VWA8: variants seen among roughly 807,000 people sequenced by gnomAD.
VWA8 encodes the protein von Willebrand factor A domain-containing protein 8.
A neutral mutation model predicts 241.5 loss-of-function variants in VWA8; 221 were observed. The ratio of observed to expected loss-of-function variants is 0.91; its 90% CI spans 0.82 to 1.02. The LOEUF (loss-of-function observed/expected upper bound fraction) is 1.02. Among genes scored for constraint, VWA8 ranks in the 50% least tolerant of loss-of-function variants. VWA8 has a pLI of 0.00. For missense variants in VWA8, 2,322 were observed against 2,328.7 expected, an observed-to-expected ratio of 1.00 and a Z score of 0.06; for synonymous variants, 852 against 827.1, an observed-to-expected ratio of 1.03 and a Z score of -0.52.
intron 23 of VWA8, among the ~76,000 whole-genome samples, chr13:41,727,523 T>C (rs894855654): frequency 2.6e-5 from 4 of 152,170 alleles, no homozygotes; most frequent in African/African-American, 9.6e-5. Context: ...TACTAAATTG[T>C]ACAGGGACTT....
chr13:41,702,837 T>G (rs1377078029), intron 27 of VWA8, among the ~76,000 whole-genome samples: 1 of 152,238 alleles, frequency 6.6e-6, no homozygotes, highest in Non-Finnish European at 1.5e-5. Context: ...CCTCAACTTC[T>G]GTTCCTGCTG....
intron 12 of VWA8, among the ~76,000 whole-genome samples, chr13:41,848,246 A>G (rs571855033): frequency 6.6e-6 from 1 of 152,302 alleles, no homozygotes; most frequent in Admixed American, 6.5e-5. Flanking sequence ...GAAGCCAAAC[A>G]TTTGTTCACT....
rs759462330 is a variant in VWA8, at chr13:41,865,821, T to A, written c.1348-8A>T. 6.2e-7 allele frequency: 1 copy of A among 1,614,024 alleles called. No individual in the cohort carries two copies. The highest frequency in any genetic ancestry group is 8.5e-7 in the Non-Finnish European group (1 of 1,179,982). On this transcript the variant is annotated splice_region_variant and splice_polypyrimidine_tract_variant and intron_variant, in intron 11 of 44. Transcript: ENST00000379310. ...CACTGTTTTTCCACAACCCTACAAA[T>A]GGAAAAAATTATTCAAGAGGTAAGT...
intron 1 of VWA8, among the ~76,000 whole-genome samples, chr13:41,956,347 T>C (rs1357907746): frequency 6.6e-6 from 1 of 152,190 alleles, no homozygotes; most frequent in East Asian, 1.9e-4. Context: ...TTTTTATATA[T>C]ACTAAACTTA....
chr13:41,844,721 A>G (rs1246406486), intron 12 of VWA8, among the ~76,000 whole-genome samples: 1 of 152,038 alleles, frequency 6.6e-6, no homozygotes, highest in East Asian at 1.9e-4. Flanking sequence ...CACCGATAAC[A>G]TTCAACATCT....
At chr13:41,693,286 G>C (rs943076346) in intron 29 of VWA8, among the ~76,000 whole-genome samples, 10 of 151,820 alleles carry the variant, frequency 6.6e-5, no homozygotes, top group Non-Finnish European at 8.8e-5. Flanking sequence ...ATATAAGCTA[G>C]TTGAACCATG....
At chr13:41,641,432 C>T (rs1364108629) in intron 37 of VWA8, among the ~76,000 whole-genome samples, 1 of 152,116 alleles carries the variant, frequency 6.6e-6, no homozygotes, top group African/African-American at 2.4e-5. Flanking sequence ...CAATGCTAGT[C>T]CCAGTCAGGT....
chr13:41,890,287 G>A (rs1231676048), intron 5 of VWA8, among the ~76,000 whole-genome samples: 1 of 152,176 alleles, frequency 6.6e-6, no homozygotes, highest in Non-Finnish European at 1.5e-5. Flanking sequence ...GATCTTGCTC[G>A]TGATCAATTT....
At chr13:41,878,196 C>T (rs894452440) in intron 9 of VWA8, among the ~76,000 whole-genome samples, 3 of 151,958 alleles carry the variant, frequency 2.0e-5, no homozygotes, top group African/African-American at 7.2e-5. Context: ...CATTATAATA[C>T]ATACTTCTAT....
intron 28 of VWA8, among the ~76,000 whole-genome samples, chr13:41,700,289 GAT>G (rs1473071756): frequency 6.6e-6 from 1 of 151,498 alleles, no homozygotes; most frequent in Non-Finnish European, 1.5e-5. Flanking sequence ...TATATATAAT[GAT>G]ATATTATACA....
At chr13:41,812,036 T>C (rs1870495818) in intron 16 of VWA8, among the ~76,000 whole-genome samples, 1 of 152,174 alleles carries the variant, frequency 6.6e-6, no homozygotes, top group South Asian at 2.1e-4. Context: ...ATCCTATTTA[T>C]TAGCTGTGTT....
At position 41,761,141 on chromosome 13, in the gene VWA8, T is replaced by C. The variant is rs150051966; in HGVS notation, c.2413A>G (p.Ile805Val). The C allele has an allele frequency of 6.8e-6, 11 of 1,611,650 alleles. No homozygotes were observed. In the African/African-American group the frequency reaches 1.5e-4, roughly 22 times the overall value. The change falls in exon 21 of 45, where the codon ATT becomes GTT. Residue 805 changes from isoleucine (I) to valine (V), a missense_variant. Transcript: ENST00000379310. Reference protein sequence around the residue: ...LHLLNRPREYIQLHRDTTVQT... With the variant: ...LHLLNRPREYVQLHRDTTVQT... ...TAATAGTCTTACCTGTGTAGCTGAA[T>C]ATATTCTCGGGGTCTGTTGAGCAGG...
chr13:41,876,159 C>G (rs1460295979), intron 9 of VWA8, among the ~76,000 whole-genome samples: 2 of 152,088 alleles, frequency 1.3e-5, no homozygotes, highest in Non-Finnish European at 2.9e-5. Flanking sequence ...CAACAGTCTA[C>G]CAACTATTTT....
intron 4 of VWA8, among the ~76,000 whole-genome samples, chr13:41,899,925 C>T (rs1030742073): frequency 3.3e-5 from 5 of 152,140 alleles, no homozygotes; most frequent in Non-Finnish European, 7.4e-5. Context: ...GGTACAATCT[C>T]GAAGTATTCT....
intron 29 of VWA8, among the ~76,000 whole-genome samples, chr13:41,694,447 ATG>A (rs1252524951): frequency 2.0e-5 from 3 of 152,062 alleles, no homozygotes; most frequent in Non-Finnish European, 2.9e-5. Context: ...TCCATTAAGA[ATG>A]TGTGTTAGAA....
chr13:41,881,740 A>C (rs1593841494), intron 9 of VWA8, among the ~76,000 whole-genome samples: 2 of 117,038 alleles, frequency 1.7e-5, no homozygotes, highest in Non-Finnish European at 1.8e-5. Flanking sequence ...TGACCCCCCC[A>C]CCTCCCTCCT....
At chr13:41,620,172 TCAA>T (rs1347036183) in intron 37 of VWA8, among the ~76,000 whole-genome samples, 2 of 152,316 alleles carry the variant, frequency 1.3e-5, no homozygotes, top group East Asian at 1.9e-4. Flanking sequence ...ATTCAGGGAT[TCAA>T]CGTCTTCCTG....
At chr13:41,692,249 G>C (rs1000207923) in intron 30 of VWA8, among the ~76,000 whole-genome samples, 2 of 151,512 alleles carry the variant, frequency 1.3e-5, no homozygotes, top group African/African-American at 4.9e-5. Flanking sequence ...TAAACACATG[G>C]GAAACACTTT....
intron 42 of VWA8, among the ~76,000 whole-genome samples, chr13:41,578,618 G>A (rs1255145435): frequency 2.0e-5 from 3 of 152,122 alleles, no homozygotes; most frequent in African/African-American, 4.8e-5. Flanking sequence ...TGGTTTCTAC[G>A]ATGATCGTGA....
Sources: allele counts gnomAD v4.1 joint callset (sites outside exome capture counted in the v4.1 genomes callset), GRCh38; gene constraint gnomAD v4.1.1; transcripts MANE v1.5; gene names NCBI Gene and HGNC (gene_info 2026-07-23, HGNC 2026-07-21).